The following TMEM236 variants were observed in gnomAD, a reference collection of about 807,000 sequenced individuals.
TMEM236 encodes the protein transmembrane protein 236.
A neutral mutation model predicts 14.7 loss-of-function variants in TMEM236; 11 were observed. The observed-to-expected ratio is 0.75, with a 90% confidence interval of 0.47 to 1.24. The LOEUF is 1.24. Ranked by LOEUF, TMEM236 falls within the 50% of genes most tolerant of loss-of-function variation. The probability of loss-of-function intolerance (pLI) is 0.00; values close to 1 mark genes in which losing one functional copy is unlikely to be tolerated. For synonymous variants in TMEM236, 182 were observed against 168.6 expected, an observed-to-expected ratio of 1.08 and a Z score of -0.62; for missense variants, 464 against 427.3, an observed-to-expected ratio of 1.09 and a Z score of -0.76.
chr10:17,800,249 A>G lies in TMEM236; in HGVS notation c.*3745A>G, dbSNP rs1838075440. 1.3e-5 allele frequency: 2 copies of G among 151,416 alleles called. No individual in the cohort carries two copies. The highest frequency in any genetic ancestry group is 4.8e-5 in the African/African-American group (2 of 41,302). 9.4% of individuals were successfully genotyped at this position (151,416 alleles called of 1,614,324 possible). On this transcript the variant is annotated 3_prime_UTR_variant, in exon 4 of 4. Transcript: ENST00000377495. ...TCTGTCTCAAAAAAAAAAAAAAGTC[A>G]AGTACAGTTAGTTAAAGGAATGTGC...
At chr10:17,767,035 A>G (rs1837478638) in intron 1 of TMEM236, among the ~76,000 whole-genome samples, 1 of 152,174 alleles carries the variant, frequency 6.6e-6, no homozygotes, top group Non-Finnish European at 1.5e-5. Flanking sequence ...ACCCACCTTA[A>G]TGATCTTATT....
intron 1 of TMEM236, among the ~76,000 whole-genome samples, chr10:17,760,048 C>T (rs1315675998): frequency 1.3e-5 from 2 of 151,280 alleles, no homozygotes; most frequent in African/African-American, 4.9e-5. Flanking sequence ...CTCACTGCTC[C>T]GCGCTGGCCC....
intron 1 of TMEM236, among the ~76,000 whole-genome samples, chr10:17,762,403 C>T (rs972954265): frequency 2.6e-5 from 4 of 151,346 alleles, no homozygotes; most frequent in Non-Finnish European, 5.9e-5. Flanking sequence ...CTACTGACTT[C>T]GTGTATTGAT....
chr10:17,758,428 G>T (rs1286100810), intron 1 of TMEM236, among the ~76,000 whole-genome samples: 1 of 152,110 alleles, frequency 6.6e-6, no homozygotes, highest in African/African-American at 2.4e-5. Context: ...ATATGTAAAG[G>T]AAAACTGGCC....
At chr10:17,767,289 C>T (rs919161258) in intron 1 of TMEM236, among the ~76,000 whole-genome samples, 39 of 152,030 alleles carry the variant, frequency 2.6e-4, no homozygotes, top group Non-Finnish European at 4.4e-4. Context: ...GGTGAAACCC[C>T]GTCTCTACTA....
intron 1 of TMEM236, among the ~76,000 whole-genome samples, chr10:17,766,313 A>C (rs1009962550): frequency 2.0e-5 from 3 of 152,160 alleles, no homozygotes; most frequent in Non-Finnish European, 4.4e-5. Flanking sequence ...GGTACAGCCA[A>C]ATTTTCTGCC....
chr10:17,754,849 T>C (rs1772124261), intron 1 of TMEM236, among the ~76,000 whole-genome samples: 1 of 152,210 alleles, frequency 6.6e-6, no homozygotes, highest in Non-Finnish European at 1.5e-5. Context: ...TCTTCAGATC[T>C]GATTCTTACT....
At chr10:17,791,577 C>G (rs1442105277) in intron 3 of TMEM236, among the ~76,000 whole-genome samples, 1 of 152,204 alleles carries the variant, frequency 6.6e-6, no homozygotes, top group African/African-American at 2.4e-5. Context: ...GTCACCAGCT[C>G]TTTTCCTCTC....
At chr10:17,785,020 C>T (rs1043840020) in intron 3 of TMEM236, among the ~76,000 whole-genome samples, 2 of 152,060 alleles carry the variant, frequency 1.3e-5, no homozygotes, top group Non-Finnish European at 1.5e-5. Context: ...AAGATAGAAG[C>T]GTTAGGACTG....
At chr10:17,778,511 C>T (rs1374868350) in intron 3 of TMEM236, among the ~76,000 whole-genome samples, 1 of 152,210 alleles carries the variant, frequency 6.6e-6, no homozygotes, top group East Asian at 1.9e-4. Flanking sequence ...AGCAAATATA[C>T]CATAAATATG....
At chr10:17,780,025 A>G (rs1191149253) in intron 3 of TMEM236, among the ~76,000 whole-genome samples, 4 of 152,168 alleles carry the variant, frequency 2.6e-5, no homozygotes, top group African/African-American at 9.7e-5. Flanking sequence ...GCAGAGCACT[A>G]TAATAACTGT....
intron 3 of TMEM236, among the ~76,000 whole-genome samples, chr10:17,790,146 C>T (rs1182085461): frequency 6.6e-6 from 1 of 152,246 alleles, no homozygotes; most frequent in African/African-American, 2.4e-5. Flanking sequence ...GGGAGGATCG[C>T]GTTTGCCCAG....
intron 2 of TMEM236, among the ~76,000 whole-genome samples, chr10:17,775,733 A>G (rs926213264): frequency 1.6e-4 from 24 of 152,256 alleles, no homozygotes; most frequent in Non-Finnish European, 2.6e-4. Flanking sequence ...TCAGCAGTAG[A>G]GTTGGAAGGA....
intron 3 of TMEM236, among the ~76,000 whole-genome samples, chr10:17,794,737 G>A (rs943524906): frequency 3.3e-5 from 5 of 152,078 alleles, no homozygotes; most frequent in African/African-American, 7.2e-5. Flanking sequence ...ATCTCTAGTG[G>A]TCAAACAGAT....
chr10:17,795,359 A>T (rs1175023636), intron 3 of TMEM236, among the ~76,000 whole-genome samples: 1 of 152,062 alleles, frequency 6.6e-6, no homozygotes, highest in East Asian at 1.9e-4. Context: ...GCGTTCTTTA[A>T]CCTCTCAAGC....
chr10:17,780,953 A>C (rs1837737500), intron 3 of TMEM236, among the ~76,000 whole-genome samples: 1 of 152,176 alleles, frequency 6.6e-6, no homozygotes, highest in Admixed American at 6.5e-5. Context: ...TGATGTTTAC[A>C]TAGCACCCAG....
At chr10:17,760,809 C>A (rs1223858981) in intron 1 of TMEM236, among the ~76,000 whole-genome samples, 2 of 152,146 alleles carry the variant, frequency 1.3e-5, no homozygotes, top group Non-Finnish European at 1.5e-5. Context: ...TGGCAGCAGG[C>A]AAGAGTGCAT....
intron 3 of TMEM236, among the ~76,000 whole-genome samples, chr10:17,786,662 A>T (rs1817845735): frequency 6.6e-6 from 1 of 152,162 alleles, no homozygotes; most frequent in South Asian, 2.1e-4. Context: ...ATGTGTGTGC[A>T]TAGGTGGGGG....
intron 1 of TMEM236, among the ~76,000 whole-genome samples, chr10:17,768,098 T>TC (rs1554834486): frequency 7.0e-6 from 1 of 143,672 alleles, no homozygotes; most frequent in East Asian, 2.0e-4. Flanking sequence ...TTTTTTTTTT[T>TC]TTTTTTTTTT....
Sources: allele counts gnomAD v4.1 joint callset (sites outside exome capture counted in the v4.1 genomes callset), GRCh38; gene constraint gnomAD v4.1.1; transcripts MANE v1.5; gene names NCBI Gene and HGNC (gene_info 2026-07-23, HGNC 2026-07-21).